Variants in RNLS observed in about 807,000 individuals in gnomAD.
RNLS encodes renalase.
Under a neutral mutation model 39.8 loss-of-function variants are expected in RNLS, and 39 were observed. The ratio of observed to expected loss-of-function variants is 0.98; its 90% confidence interval spans 0.76 to 1.28. The LOEUF (loss-of-function observed/expected upper bound fraction) is 1.28, where lower values mean the gene tolerates loss of function less well. RNLS is among the 50% of genes most tolerant of loss of function. The probability of loss-of-function intolerance (pLI) is 0.00; values close to 1 mark genes in which losing one functional copy is unlikely to be tolerated. For synonymous variants in RNLS, 147 were observed against 150.7 expected (o/e 0.98, Z 0.18); for missense variants, 410 against 413.3 (o/e 0.99, Z 0.07).
the RNLS span, among the ~76,000 whole-genome samples, chr10:88,246,834 C>A: frequency 6.6e-6 from 1 of 152,186 alleles, no homozygotes; most frequent in Non-Finnish European, 1.5e-5. Flanking sequence ...AGCAGACAAC[C>A]ATTTTACATG....
Position 88,538,852 on chromosome 10 carries a change from A to G in RNLS, c.526+34051T>C, listed in dbSNP as rs549250856. Among the ~76,000 whole-genome samples the G allele has an allele frequency of 1.2e-4, 19 of 152,248 alleles. No homozygotes were observed. In the South Asian group the frequency reaches 2.5e-3, roughly 20 times the overall value. On this transcript the variant is annotated intron_variant, in intron 4 of 6. Transcript: ENST00000331772. ...TACTTGATGGAAAACATTTAATGTA[A>G]AAGTTACTAGCCCCATTTAATTATT...
chr10:88,294,738 C>T (rs929872084), intron 6 of RNLS, among the ~76,000 whole-genome samples: 2 of 152,082 alleles, frequency 1.3e-5, no homozygotes, highest in African/African-American at 4.8e-5. Context: ...TATTACTCCA[C>T]TGTATATGAC....
intron 4 of RNLS, among the ~76,000 whole-genome samples, chr10:88,478,490 T>C (rs1331811385): frequency 6.6e-6 from 1 of 152,154 alleles, no homozygotes; most frequent in Non-Finnish European, 1.5e-5. Context: ...TTCAAATACC[T>C]CACTCTGTTA....
At chr10:88,221,221 G>T in the RNLS span, among the ~76,000 whole-genome samples, 20 of 152,256 alleles carry the variant, frequency 1.3e-4, no homozygotes, top group East Asian at 3.1e-3. Context: ...GGCCACCAAG[G>T]TTTAGCCTAG....
At chr10:88,227,830 G>T in the RNLS span, among the ~76,000 whole-genome samples, 1 of 152,200 alleles carries the variant, frequency 6.6e-6, no homozygotes, top group Admixed American at 6.5e-5. Flanking sequence ...TGCATGCATG[G>T]TTATTTCTGT....
chr10:88,256,282 C>T, the RNLS span, among the ~76,000 whole-genome samples: 1 of 152,232 alleles, frequency 6.6e-6, no homozygotes, highest in African/African-American at 2.4e-5. Flanking sequence ...GTACCACCCG[C>T]CTGTCTCATG....
intron 4 of RNLS, among the ~76,000 whole-genome samples, chr10:88,376,097 T>C (rs1355398111): frequency 6.6e-6 from 1 of 152,124 alleles, no homozygotes; most frequent in Non-Finnish European, 1.5e-5. Flanking sequence ...TCTCCTCTCC[T>C]GTGATCGAAG....
intron 4 of RNLS, among the ~76,000 whole-genome samples, chr10:88,486,200 T>C (rs78228378): frequency 6.6e-6 from 1 of 152,028 alleles, no homozygotes; most frequent in Non-Finnish European, 1.5e-5. Flanking sequence ...CCCTTCCTTA[T>C]ATCATATACA....
chr10:88,470,813 A>T (rs1332871368), intron 4 of RNLS, among the ~76,000 whole-genome samples: 1 of 151,906 alleles, frequency 6.6e-6, no homozygotes, highest in African/African-American at 2.4e-5. Context: ...ACGGGGTTTC[A>T]CCATGTTGGT....
intron 6 of RNLS, among the ~76,000 whole-genome samples, chr10:88,278,592 C>T (rs1842897079): frequency 6.6e-6 from 1 of 152,094 alleles, no homozygotes; most frequent in Non-Finnish European, 1.5e-5. Context: ...CTCCCCTCTC[C>T]CACGCTAGCA....
chr10:88,506,050 C>T (rs1258343290), intron 4 of RNLS, among the ~76,000 whole-genome samples: 1 of 152,108 alleles, frequency 6.6e-6, no homozygotes, highest in East Asian at 1.9e-4. Context: ...TTAACAATCC[C>T]TCTAGATGGC....
chr10:88,366,968 G>T (rs1850164046), intron 4 of RNLS, among the ~76,000 whole-genome samples: 2 of 151,710 alleles, frequency 1.3e-5, no homozygotes, highest in Admixed American at 1.3e-4. Flanking sequence ...GATGCTGTCT[G>T]GTTCATGAAT....
At chr10:88,276,969 T>A (rs1842833009) in intron 6 of RNLS, among the ~76,000 whole-genome samples, 1 of 152,212 alleles carries the variant, frequency 6.6e-6, no homozygotes, top group Non-Finnish European at 1.5e-5. Context: ...AAATTCTGGA[T>A]CCTAACGATA....
chr10:88,477,019 T>G (rs1843859401), intron 4 of RNLS, among the ~76,000 whole-genome samples: 1 of 152,176 alleles, frequency 6.6e-6, no homozygotes, highest in South Asian at 2.1e-4. Flanking sequence ...GTGGCCTTTT[T>G]TTTTCAAGCA....
intron 4 of RNLS, among the ~76,000 whole-genome samples, chr10:88,368,541 GTGTGTTA>G (rs1850295271): frequency 1.0e-3 from 2 of 1,906 alleles, no homozygotes; most frequent in African/African-American, 6.5e-3. Context: ...TTTTCCTTTA[GTGTGTTA>G]TGTTTTTTCT....
intron 3 of RNLS, among the ~76,000 whole-genome samples, chr10:88,573,969 C>T (rs948990774): frequency 8.3e-4 from 126 of 152,172 alleles, no homozygotes; most frequent in African/African-American, 3.0e-3. Context: ...GGTGAAACCC[C>T]ATCTCTACTA....
the RNLS span, among the ~76,000 whole-genome samples, chr10:88,231,055 A>G: frequency 6.6e-6 from 1 of 152,152 alleles, no homozygotes; most frequent in East Asian, 1.9e-4. Flanking sequence ...ACCCACCCTC[A>G]ATTACTGCAA....
chr10:88,282,395 T>C (rs1843045346), downstream of RNLS, among the ~76,000 whole-genome samples: 1 of 151,876 alleles, frequency 6.6e-6, no homozygotes, highest in African/African-American at 2.4e-5. Context: ...ATCTGTGCCT[T>C]GGTTTCCTCA....
intron 4 of RNLS, among the ~76,000 whole-genome samples, chr10:88,449,238 T>A (rs2133887198): frequency 1.3e-5 from 2 of 152,372 alleles, no homozygotes; most frequent in Middle Eastern, 6.8e-3. Context: ...TATTGAATAC[T>A]AATCTCATCT....
Sources: allele counts gnomAD v4.1 joint callset (sites outside exome capture counted in the v4.1 genomes callset), GRCh38; gene constraint gnomAD v4.1.1; transcripts MANE v1.5; gene names NCBI Gene and HGNC (gene_info 2026-07-23, HGNC 2026-07-21).